The following EYS variants were observed in gnomAD, a reference collection of about 807,000 sequenced individuals.
The protein encoded by EYS is protein eyes shut homolog.
A neutral mutation model predicts 282.1 loss-of-function variants in EYS; 250 were observed. That is an observed-to-expected ratio of 0.89 (90% CI 0.80 to 0.98). EYS has a LOEUF of 0.98. EYS is among the 50% of genes least tolerant of loss of function. The pLI is 0.00. For missense variants in EYS, 4,016 were observed against 3,709.0 expected (o/e 1.08, Z -2.15); for synonymous variants, 1,355 against 1,282.9 (o/e 1.06, Z -1.20).
intron 26 of EYS, among the ~76,000 whole-genome samples, chr6:64,503,379 G>T (rs1321633126): frequency 6.6e-6 from 1 of 152,140 alleles, no homozygotes; most frequent in Admixed American, 6.5e-5. Flanking sequence ...AATTCTGGGG[G>T]ATCTGAATCA....
At chr6:64,045,148 G>A (rs992109508) in intron 33 of EYS, among the ~76,000 whole-genome samples, 4 of 152,008 alleles carry the variant, frequency 2.6e-5, no homozygotes, top group African/African-American at 7.2e-5. Flanking sequence ...AGAGTGAGTC[G>A]TCTCCATGAC....
intron 2 of EYS, among the ~76,000 whole-genome samples, chr6:65,627,367 C>CA (rs200125078): frequency 0.014 from 2,056 of 152,080 alleles, 15 homozygotes; most frequent in African/African-American, 0.018. Flanking sequence ...AGCGTGCTGG[C>CA]AGTCCTCACA....
intron 41 of EYS, among the ~76,000 whole-genome samples, chr6:63,738,460 C>T (rs1418023150): frequency 6.6e-6 from 1 of 151,514 alleles, no homozygotes; most frequent in African/African-American, 2.4e-5. Context: ...AATTGGAAAT[C>T]ATCATTCTCA....
chr6:64,208,762 A>T (rs992657492), intron 31 of EYS, among the ~76,000 whole-genome samples: 2 of 152,138 alleles, frequency 1.3e-5, no homozygotes, highest in African/African-American at 2.4e-5. Context: ...AAGATATTAT[A>T]TTTGTGACCA....
chr6:64,811,505 G>T (rs11753113), intron 22 of EYS, among the ~76,000 whole-genome samples: 1 of 151,912 alleles, frequency 6.6e-6, no homozygotes, highest in Admixed American at 6.6e-5. Flanking sequence ...CTATGGTTTA[G>T]GTGTCCATAC....
chr6:64,546,676 A>C (rs1488955005), intron 26 of EYS, among the ~76,000 whole-genome samples: 6 of 152,134 alleles, frequency 3.9e-5, no homozygotes, highest in Non-Finnish European at 8.8e-5. Flanking sequence ...AATTTACAAC[A>C]AAAAAACAAA....
At chr6:64,637,941 T>C (rs1415499226) in intron 22 of EYS, among the ~76,000 whole-genome samples, 1 of 90,202 alleles carries the variant, frequency 1.1e-5, no homozygotes, top group Non-Finnish European at 2.4e-5. Context: ...TGTTCTTTTT[T>C]TACAGTAGCA....
chr6:64,187,709 C>T (rs1488350452), intron 31 of EYS, among the ~76,000 whole-genome samples: 2 of 151,950 alleles, frequency 1.3e-5, no homozygotes, highest in African/African-American at 4.8e-5. Flanking sequence ...AGAGGAGAAA[C>T]CAGGAAGCAA....
At chr6:63,741,145 T>G (rs1226975056) in intron 41 of EYS, among the ~76,000 whole-genome samples, 1 of 152,168 alleles carries the variant, frequency 6.6e-6, no homozygotes, top group Non-Finnish European at 1.5e-5. Flanking sequence ...AGTGGTTAGT[T>G]TTCTGAGAGG....
At chr6:65,527,767 A>G (rs992273919) in intron 2 of EYS, among the ~76,000 whole-genome samples, 2 of 152,222 alleles carry the variant, frequency 1.3e-5, no homozygotes, top group Non-Finnish European at 2.9e-5. Context: ...TCATTCATCC[A>G]TAGTAGACAT....
intron 33 of EYS, among the ~76,000 whole-genome samples, chr6:64,000,877 G>A (rs1465330363): frequency 1.3e-5 from 2 of 152,128 alleles, no homozygotes; most frequent in African/African-American, 4.8e-5. Context: ...GCCAGGCGCG[G>A]TGGCTCAGGC....
chr6:64,010,469 T>G (rs1046742574), intron 33 of EYS, among the ~76,000 whole-genome samples: 9 of 152,086 alleles, frequency 5.9e-5, no homozygotes, highest in Non-Finnish European at 1.0e-4. Context: ...ATAGTAAAAT[T>G]ATTCCTTCAT....
chr6:65,299,491 G>A (rs1019272915), intron 11 of EYS, among the ~76,000 whole-genome samples: 12 of 151,896 alleles, frequency 7.9e-5, no homozygotes, highest in African/African-American at 1.2e-4. Flanking sequence ...GGAAAGTGTC[G>A]CTTCTGATGC....
At chr6:65,660,243 A>G (rs1024574363) in intron 1 of EYS, among the ~76,000 whole-genome samples, 1 of 151,784 alleles carries the variant, frequency 6.6e-6, no homozygotes, top group Non-Finnish European at 1.5e-5. Flanking sequence ...CCTTTTGGTA[A>G]CTTAGTGATC....
chr6:64,002,936 T>C (rs1768167935), intron 33 of EYS, among the ~76,000 whole-genome samples: 1 of 152,214 alleles, frequency 6.6e-6, no homozygotes, highest in South Asian at 2.1e-4. Flanking sequence ...AGACAAAAAT[T>C]CAGCTTTCAT....
chr6:64,973,319 A>G (rs538932754), intron 14 of EYS, among the ~76,000 whole-genome samples: 6 of 152,072 alleles, frequency 3.9e-5, no homozygotes, highest in Non-Finnish European at 7.4e-5. Context: ...TCAATAAGCT[A>G]TATCACATCA....
intron 15 of EYS, among the ~76,000 whole-genome samples, chr6:64,937,454 A>G (rs533472339): frequency 6.6e-6 from 1 of 151,758 alleles, no homozygotes; most frequent in African/African-American, 2.4e-5. Flanking sequence ...AAAGGTACAT[A>G]ACTTCCATTC....
chr6:64,778,876 C>T (rs988291293), intron 22 of EYS, among the ~76,000 whole-genome samples: 6 of 152,084 alleles, frequency 3.9e-5, no homozygotes, highest in African/African-American at 1.4e-4. Context: ...ATAAGATGTA[C>T]AGATGGCAAA....
chr6:64,564,191 G>C (rs922106072), intron 26 of EYS, among the ~76,000 whole-genome samples: 4 of 144,932 alleles, frequency 2.8e-5, no homozygotes. Context: ...CATAATGGCT[G>C]TACCAATTTA....
Sources: allele counts gnomAD v4.1 joint callset (sites outside exome capture counted in the v4.1 genomes callset), GRCh38; gene constraint gnomAD v4.1.1; transcripts MANE v1.5; gene names NCBI Gene and HGNC (gene_info 2026-07-23, HGNC 2026-07-21).